The following TTLL11 variants were observed in gnomAD, a reference collection of about 807,000 sequenced individuals.
TTLL11 encodes tubulin polyglutamylase TTLL11.
TTLL11 carries 42 observed loss-of-function variants against 51.7 expected under a neutral mutation model. That is an observed-to-expected ratio of 0.81 (90% CI 0.64 to 1.05). TTLL11 has a LOEUF of 1.05. TTLL11 is among the 50% of genes least tolerant of loss of function. TTLL11 has a pLI of 0.00. For missense variants in TTLL11, 799 were observed against 940.4 expected (o/e 0.85, Z 1.97); for synonymous variants, 381 against 383.5 (o/e 0.99, Z 0.08).
intron 1 of TTLL11, among the ~76,000 whole-genome samples, chr9:122,053,419 G>A (rs1423040117): frequency 1.3e-5 from 2 of 152,118 alleles, no homozygotes; most frequent in African/African-American, 4.8e-5. Context: ...GGGGAAAGGG[G>A]AACAGCCAAA....
Position 121,822,744 on chromosome 9 carries a change from C to A in TTLL11, c.1976G>T (p.Arg659Leu). The change falls in exon 9 of 9, where the codon CGC becomes CTC. Residue 659 changes from arginine to leucine, a missense_variant. Transcript: ENST00000321582. This position sits in a 1 kb window ranked among gnomAD's most constrained non-coding sequence, Gnocchi z 5.8. The stretch of plus-strand genomic sequence containing the variant: ...CGGGACGCCCCGGCCACACACCAGG[C>A]GTTTTTCATCCAGCAGGGACAGGTG... ...EYHLSLLDEK[R>L]LVCGRGVPSG... The A allele has an allele frequency of 6.4e-7, 1 of 1,551,576 alleles. No homozygotes were observed. Among genetic ancestry groups the A allele is most frequent in the Non-Finnish European group, 8.7e-7 (1 of 1,146,970 alleles).
At chr9:121,920,398 TA>T (rs1434204868) in intron 6 of TTLL11, among the ~76,000 whole-genome samples, 1 of 152,214 alleles carries the variant, frequency 6.6e-6, no homozygotes, top group Admixed American at 6.5e-5. Context: ...GGAACAATGG[TA>T]TCAAGGAGCA....
At chr9:121,961,295 C>T (rs1271076859) in intron 6 of TTLL11, among the ~76,000 whole-genome samples, 1 of 152,202 alleles carries the variant, frequency 6.6e-6, no homozygotes, top group Non-Finnish European at 1.5e-5. Context: ...TAACTACATT[C>T]AGATTGGATA....
At chr9:121,841,750 G>C (rs1015278307) in intron 8 of TTLL11, among the ~76,000 whole-genome samples, 2 of 152,108 alleles carry the variant, frequency 1.3e-5, no homozygotes, top group African/African-American at 4.8e-5. Flanking sequence ...ATTGTTTGTT[G>C]TGGGGGTCTG....
intron 7 of TTLL11, among the ~76,000 whole-genome samples, chr9:121,865,375 C>T (rs1187845303): frequency 6.6e-6 from 1 of 152,158 alleles, no homozygotes; most frequent in African/African-American, 2.4e-5. Flanking sequence ...GGATCAGAAG[C>T]CACCCAGTGG....
chr9:121,864,908 T>C (rs574615687), intron 7 of TTLL11, among the ~76,000 whole-genome samples: 1 of 152,342 alleles, frequency 6.6e-6, no homozygotes, highest in South Asian at 2.1e-4. Context: ...ATCCTATTTA[T>C]AGAATTTCTT....
Position 121,870,761 on chromosome 9 carries a change from A to C in TTLL11, c.1482-13T>G, listed in dbSNP as rs747291298. On this transcript the variant is annotated splice_polypyrimidine_tract_variant and intron_variant, in intron 6 of 8. Coordinates refer to ENST00000321582, the MANE Select transcript of TTLL11 (RefSeq NM_001139442.2). ...AAGCTGCTGAGACCTGAAGCACACA[A>C]AGAATTAATGATATAACACTTTCCC... The C allele has an allele frequency of 1.4e-5, 22 of 1,529,944 alleles. No individual in the cohort carries two copies. Among genetic ancestry groups the C allele is most frequent in the Admixed American group, 8.2e-5 (4 of 48,682 alleles). The allele number at this position is 1,529,944 out of a possible 1,614,324, so 94.8% of individuals were successfully genotyped here.
intron 8 of TTLL11, among the ~76,000 whole-genome samples, chr9:121,831,082 T>C (rs181695350): frequency 4.4e-4 from 67 of 152,278 alleles, no homozygotes; most frequent in Middle Eastern, 3.4e-3. Context: ...GGTTTGCCCA[T>C]GGTTGGATGT....
intron 6 of TTLL11, among the ~76,000 whole-genome samples, chr9:121,889,388 A>G (rs1368063748): frequency 6.6e-6 from 1 of 152,102 alleles, no homozygotes; most frequent in East Asian, 1.9e-4. Context: ...ATAACATACA[A>G]TTTACCATTT....
intron 1 of TTLL11, among the ~76,000 whole-genome samples, chr9:122,080,010 A>C (rs1246803562): frequency 6.6e-6 from 1 of 152,194 alleles, no homozygotes; most frequent in Non-Finnish European, 1.5e-5. Flanking sequence ...AGAGAAAGCC[A>C]AGCATGTCTA....
intron 8 of TTLL11, among the ~76,000 whole-genome samples, chr9:121,838,761 AAAGC>A (rs1251274149): frequency 1.1e-5 from 1 of 86,998 alleles, no homozygotes; most frequent in Admixed American, 1.1e-4. Flanking sequence ...AGAAAGAGAG[AAAGC>A]AAGCAAGCAA....
At chr9:121,867,487 T>C (rs1481868299) in intron 7 of TTLL11, among the ~76,000 whole-genome samples, 1 of 152,166 alleles carries the variant, frequency 6.6e-6, no homozygotes, top group Non-Finnish European at 1.5e-5. Context: ...TCTCCCCCTC[T>C]CTCGAATCTG....
Position 122,031,454 on chromosome 9 carries a change from C to A in TTLL11, c.693+269G>T, listed in dbSNP as rs148903366. Among the ~76,000 whole-genome samples the A allele has an allele frequency of 1.2e-3, 189 of 152,274 alleles. No homozygotes were observed. In the South Asian group the frequency reaches 0.013, roughly 11 times the overall value. On this transcript the variant is annotated intron_variant, in intron 3 of 8. Coordinates refer to ENST00000321582, the MANE Select transcript of TTLL11 (RefSeq NM_001139442.2). ...CGGCTCCAGCTCCCTGGCTCCCCAG[C>A]GTCCTGACTCCATGATCCAGTTTTG...
intron 6 of TTLL11, among the ~76,000 whole-genome samples, chr9:121,960,776 C>A (rs1464395857): frequency 6.6e-6 from 1 of 152,146 alleles, no homozygotes; most frequent in African/African-American, 2.4e-5. Context: ...ATAAAGGCAT[C>A]CCCCAAGACA....
intron 1 of TTLL11, among the ~76,000 whole-genome samples, chr9:122,044,798 T>C (rs1014220850): frequency 3.3e-5 from 5 of 152,172 alleles, no homozygotes; most frequent in Non-Finnish European, 5.9e-5. Flanking sequence ...AACTGCTTCA[T>C]ACCCATTAGG....
chr9:121,837,903 C>T (rs929973772), intron 8 of TTLL11, among the ~76,000 whole-genome samples: 3 of 152,194 alleles, frequency 2.0e-5, no homozygotes, highest in African/African-American at 2.4e-5. Context: ...CCTGGAGACA[C>T]GGTCTTCCCA....
chr9:121,929,610 A>G (rs1388526528), intron 6 of TTLL11, among the ~76,000 whole-genome samples: 1 of 152,140 alleles, frequency 6.6e-6, no homozygotes, highest in Non-Finnish European at 1.5e-5. Context: ...CAAGTCATTC[A>G]TTTGTTCCTT....
Position 121,866,924 on chromosome 9 carries a change from C to T in TTLL11, c.1733+3573G>A, listed in dbSNP as rs562574239. On this transcript the variant is annotated intron_variant, in intron 7 of 8. Coordinates refer to ENST00000321582, the MANE Select transcript of TTLL11 (RefSeq NM_001139442.2). ...ATGATGGCTGCAGGACCTAATAGTC[C>T]CTAATGTCACAAAACCTGGGTTTTC... Among the ~76,000 whole-genome samples, 3 of 152,166 alleles carry T rather than the reference C, an allele frequency of 2.0e-5. 1 individual carries two copies. The South Asian group carries it at 6.2e-4, about 32-fold the overall frequency.
At chr9:121,876,684 G>A (rs543732644) in intron 6 of TTLL11, among the ~76,000 whole-genome samples, 10 of 152,316 alleles carry the variant, frequency 6.6e-5, no homozygotes, top group African/African-American at 1.7e-4. Flanking sequence ...TATGTATTCC[G>A]AACTGAGAGG....
Sources: gnomAD v4.1 joint callset for allele counts (sites outside exome capture counted in the v4.1 genomes callset) on GRCh38, gnomAD v4.1.1 for gene constraint, Gnocchi (gnomAD v3.1) non-coding constraint, MANE v1.5 for transcripts, NCBI Gene and HGNC (gene_info 2026-07-23, HGNC 2026-07-21) for gene names.